JAM2: variants seen among roughly 807,000 people sequenced by gnomAD.
JAM2 encodes the protein junctional adhesion molecule B.
JAM2 carries 17 observed loss-of-function variants against 42.0 expected under a neutral mutation model. The ratio of observed to expected loss-of-function variants is 0.40; its 90% CI spans 0.28 to 0.61. The LOEUF is 0.61. Ranked by LOEUF, JAM2 falls within the 20% of genes least tolerant of loss-of-function variation. The pLI is 0.37. For synonymous variants in JAM2, 118 were observed against 128.6 expected, an observed-to-expected ratio of 0.92 and a Z score of 0.56; for missense variants, 319 against 358.3, an observed-to-expected ratio of 0.89 and a Z score of 0.89.
intron 2 of JAM2, among the ~76,000 whole-genome samples, chr21:25,684,519 C>T (rs186959022): frequency 2.7e-5 from 4 of 150,842 alleles, no homozygotes; most frequent in Admixed American, 2.0e-4. Context: ...GTTTATTTTG[C>T]CACAGTTAAA....
chr21:25,701,460 TCTC>T (rs1379252396), intron 5 of JAM2, among the ~76,000 whole-genome samples: 6 of 151,884 alleles, frequency 4.0e-5, no homozygotes, highest in Admixed American at 2.0e-4. Context: ...TTCTTTCTTT[TCTC>T]CTCTTCTTCC....
chr21:25,644,891 T>TTTG (rs2032560899), intron 1 of JAM2, among the ~76,000 whole-genome samples: 1 of 140,128 alleles, frequency 7.1e-6, no homozygotes, highest in African/African-American at 2.6e-5. Context: ...TGTTTGTTTG[T>TTTG]TTTATTTGAG....
At chr21:25,690,007 A>G (rs2033842413) in intron 3 of JAM2, 34 bp downstream of exon 3, 1 of 1,271,642 alleles carries the variant, frequency 7.9e-7, no homozygotes, top group East Asian at 2.3e-5. Flanking sequence ...GGTGTGAGCA[A>G]GAGAATGCCA....
chr21:25,660,783 T>TATATATATATATATATA (rs59547156), intron 1 of JAM2, among the ~76,000 whole-genome samples: 74 of 36,306 alleles, frequency 2.0e-3, no homozygotes, highest in African/African-American at 5.1e-3. Flanking sequence ...TATATATATA[T>TATATATATATATATATA]TTTTTTTTTT....
intron 1 of JAM2, among the ~76,000 whole-genome samples, chr21:25,666,988 C>T (rs1379313936): frequency 6.6e-6 from 1 of 152,086 alleles, no homozygotes; most frequent in East Asian, 1.9e-4. Context: ...TCAGAATTGG[C>T]TACTTCAAAA....
At chr21:25,685,915 G>T (rs2033742312) in intron 2 of JAM2, among the ~76,000 whole-genome samples, 1 of 152,142 alleles carries the variant, frequency 6.6e-6, no homozygotes, top group Non-Finnish European at 1.5e-5. Context: ...GGTCCAACTG[G>T]GTGCAGTGGA....
rs781179219 is a variant in JAM2 at position 25,689,871 on chromosome 21, A to G, written c.139A>G (p.Ile47Val). 1.9e-6 allele frequency: 3 copies of G among 1,607,082 alleles called. No individual in the cohort carries two copies. The highest frequency in any genetic ancestry group is 2.6e-6 in the Non-Finnish European group (3 of 1,173,822). The stretch of plus-strand genomic sequence containing the variant: ...ATTTTTATTGTTGTTCCTAGAGGCT[A>G]TTTTAGCCTGCAAAACCCCAAAGAA... The part of the protein sequence containing the change: ...VVTAVEYQEA[I>V]LACKTPKKTV... The change falls in exon 3 of 10, where the codon ATT becomes GTT. Residue 47 changes from isoleucine to valine, a missense_variant. Coordinates refer to ENST00000480456, the MANE Select transcript of JAM2 (RefSeq NM_021219.4).
At chr21:25,702,846 GTTTTGT>G (rs1053807466) in intron 6 of JAM2, among the ~76,000 whole-genome samples, 3 of 151,746 alleles carry the variant, frequency 2.0e-5, no homozygotes, top group Non-Finnish European at 4.4e-5. Flanking sequence ...TTTTGTTGTT[GTTTTGT>G]TTTTGTTTTT....
chr21:25,687,922 C>T (rs1329968664), intron 2 of JAM2, among the ~76,000 whole-genome samples: 1 of 152,212 alleles, frequency 6.6e-6, no homozygotes, highest in African/African-American at 2.4e-5. Flanking sequence ...TCATCAACTG[C>T]TAACGTACTA....
intron 1 of JAM2, among the ~76,000 whole-genome samples, chr21:25,683,470 G>A (rs1248464182): frequency 6.6e-6 from 1 of 152,168 alleles, no homozygotes; most frequent in Non-Finnish European, 1.5e-5. Context: ...CATGGGTATT[G>A]TCAAGGATAA....
At chr21:25,676,689 G>A (rs1267152859) in intron 1 of JAM2, among the ~76,000 whole-genome samples, 9 of 152,108 alleles carry the variant, frequency 5.9e-5, no homozygotes, top group Admixed American at 2.0e-4. Context: ...CAACCAGCAG[G>A]CCTACATGAC....
intron 1 of JAM2, among the ~76,000 whole-genome samples, chr21:25,648,500 T>C (rs140396526): frequency 8.2e-4 from 124 of 151,808 alleles, no homozygotes; most frequent in Middle Eastern, 3.4e-3. Context: ...ATCTATGCCA[T>C]TTTATCTAGA....
chr21:25,643,363 C>A (rs2032502386), intron 1 of JAM2: 1 of 152,184 alleles, frequency 6.6e-6, no homozygotes. Flanking sequence ...GAATCAGTTC[C>A]TGATTCCACC....
intron 4 of JAM2, among the ~76,000 whole-genome samples, chr21:25,695,672 G>T (rs1246117547): frequency 3.3e-5 from 5 of 151,542 alleles, no homozygotes; most frequent in Admixed American, 6.6e-5. Context: ...CAGACGGGGC[G>T]GGGCGGCTGC....
At chr21:25,696,416 G>C (rs1184202437) in intron 4 of JAM2, among the ~76,000 whole-genome samples, 1 of 152,124 alleles carries the variant, frequency 6.6e-6, no homozygotes, top group African/African-American at 2.4e-5. Flanking sequence ...GGGAGGAGGA[G>C]GGGGAGAGGG....
intron 4 of JAM2, among the ~76,000 whole-genome samples, chr21:25,695,516 G>T (rs367762325): frequency 7.3e-5 from 11 of 151,214 alleles, no homozygotes; most frequent in African/African-American, 2.4e-4. Flanking sequence ...GGGCGGCCGC[G>T]GGGCAGAGGG....
intron 1 of JAM2, among the ~76,000 whole-genome samples, chr21:25,673,175 A>AC (rs2033400674): frequency 6.6e-6 from 1 of 152,218 alleles, no homozygotes; most frequent in African/African-American, 2.4e-5. Flanking sequence ...ACCACTGGCT[A>AC]CCATTACACA....
At position 25,712,373 on chromosome 21, in the gene JAM2, G is replaced by A. The variant is rs1280939312; in HGVS notation, c.855G>A (p.Met285Ile). 3.1e-6 allele frequency: 5 copies of A among 1,594,446 alleles called. No individual in the cohort carries two copies. The highest frequency in any genetic ancestry group is 2.2e-5 in the South Asian group (2 of 90,312). The change falls in exon 9 of 10, where the codon ATG (methionine) becomes ATA (isoleucine). Residue 285 changes from methionine (M) to isoleucine (I), a missense_variant. Transcript: ENST00000480456. ...KSNSSSKATT[M>I]SENDFKHTKS... The stretch of plus-strand genomic sequence containing the variant: ...ATTCTTCATCTAAAGCCACGACAAT[G>A]AGTGAAAATGTGAGTATCTTTAAAG...
intron 5 of JAM2, among the ~76,000 whole-genome samples, chr21:25,699,171 T>C (rs2034106103): frequency 6.6e-6 from 1 of 152,214 alleles, no homozygotes; most frequent in African/African-American, 2.4e-5. Context: ...GTTTATCTTT[T>C]CAGAATTTAA....
Sources: gnomAD v4.1 joint callset for allele counts (sites outside exome capture counted in the v4.1 genomes callset) on GRCh38, gnomAD v4.1.1 for gene constraint, MANE v1.5 for transcripts, NCBI Gene and HGNC (gene_info 2026-07-23, HGNC 2026-07-21) for gene names.